The following DIP2B variants were observed in gnomAD, a reference collection of about 807,000 sequenced individuals.
The protein encoded by DIP2B is DIP2 acetate--CoA ligase B (putative).
DIP2B carries 76 observed loss-of-function variants against 198.0 expected under a neutral mutation model. That is an observed-to-expected ratio of 0.38 (90% CI 0.32 to 0.46). The LOEUF (loss-of-function observed/expected upper bound fraction) is 0.46. Among genes scored for constraint, DIP2B ranks in the 20% least tolerant of loss-of-function variants. The probability of loss-of-function intolerance (pLI) is 0.99; values close to 1 mark genes in which losing one functional copy is unlikely to be tolerated. For missense variants in DIP2B, 1,559 were observed against 1,978.4 expected, an observed-to-expected ratio of 0.79 and a Z score of 4.02; for synonymous variants, 701 against 739.1, an observed-to-expected ratio of 0.95 and a Z score of 0.84.
intron 37 of DIP2B, 102 bp downstream of exon 37, chr12:50,741,641 A>G: frequency 7.0e-7 from 1 of 1,419,060 alleles, no homozygotes; most frequent in Non-Finnish European, 9.5e-7. Flanking sequence ...ACCTTGAAAC[A>G]TAGAGCTCCA....
chr12:50,559,619 G>A (rs1254021923), intron 1 of DIP2B, among the ~76,000 whole-genome samples: 1 of 151,572 alleles, frequency 6.6e-6, no homozygotes, highest in South Asian at 2.1e-4. Flanking sequence ...TATAGTTCCA[G>A]CTACTTGGGA....
At chr12:50,617,392 T>G (rs1937719491) in intron 1 of DIP2B, among the ~76,000 whole-genome samples, 1 of 151,840 alleles carries the variant, frequency 6.6e-6, no homozygotes, top group Admixed American at 6.6e-5. Context: ...CCTGACCTCA[T>G]GATCCACCTG....
chr12:50,593,691 TTCTCCTCTCCTCTCCCCTCCTCTCC>T (rs1958839486), intron 1 of DIP2B, among the ~76,000 whole-genome samples: 1 of 88,930 alleles, frequency 1.1e-5, no homozygotes, highest in Non-Finnish European at 2.2e-5. Flanking sequence ...ATACACTCTT[TTCTCCTCTCCTCTCCCCTCCTCTCC>T]TCTCCTCTCC....
chr12:50,558,414 T>C (rs1958489600), intron 1 of DIP2B, among the ~76,000 whole-genome samples: 1 of 152,180 alleles, frequency 6.6e-6, no homozygotes, highest in South Asian at 2.1e-4. Flanking sequence ...TAATTGAGAA[T>C]CATATATAAG....
chr12:50,626,618 CAT>C (rs1937940114), intron 2 of DIP2B, among the ~76,000 whole-genome samples: 1 of 152,140 alleles, frequency 6.6e-6, no homozygotes, highest in Admixed American at 6.5e-5. Flanking sequence ...AAATAATCAT[CAT>C]ATTTTTAAAG....
At chr12:50,648,429 T>C (rs1383507417) in intron 3 of DIP2B, among the ~76,000 whole-genome samples, 1 of 152,206 alleles carries the variant, frequency 6.6e-6, no homozygotes, top group Non-Finnish European at 1.5e-5. Flanking sequence ...AGTGGCCCGA[T>C]CTCGGCTCAC....
intron 26 of DIP2B, among the ~76,000 whole-genome samples, chr12:50,721,629 G>A (rs910145524): frequency 6.6e-6 from 1 of 152,112 alleles, no homozygotes; most frequent in African/African-American, 2.4e-5. Context: ...ATTTCTATTA[G>A]TGCCTGGCAC....
Position 50,737,022 on chromosome 12 carries a change from C to T in DIP2B, c.4102-14C>T, listed in dbSNP as rs778701874. ...CACTGAACTCAATCTTTGTATTTTCCCTTTGATTCTTAGATTTTACCTGGA... is the reference window on the plus strand; with the variant it reads ...CACTGAACTCAATCTTTGTATTTTCTCTTTGATTCTTAGATTTTACCTGGA... On this transcript the variant is annotated splice_polypyrimidine_tract_variant and intron_variant, in intron 34 of 37. Coordinates refer to ENST00000301180, the MANE Select transcript of DIP2B (RefSeq NM_173602.3). 1.4e-5 allele frequency: 22 copies of T among 1,612,848 alleles called. No homozygotes were observed. Among genetic ancestry groups the T allele is most frequent in the Non-Finnish European group, 1.7e-5 (20 of 1,179,362 alleles).
intron 1 of DIP2B, among the ~76,000 whole-genome samples, chr12:50,622,121 G>A (rs1237291437): frequency 3.3e-5 from 5 of 152,160 alleles, no homozygotes; most frequent in African/African-American, 1.2e-4. Context: ...GGTAGGGGGT[G>A]GAGGTAGGAG....
At chr12:50,630,730 G>A (rs1938034628) in intron 2 of DIP2B, among the ~76,000 whole-genome samples, 1 of 138,666 alleles carries the variant, frequency 7.2e-6, no homozygotes. Flanking sequence ...GGAGTGCAAT[G>A]GCGTGATCTC....
At chr12:50,711,422 G>A (rs992688958) in intron 22 of DIP2B, among the ~76,000 whole-genome samples, 1 of 152,072 alleles carries the variant, frequency 6.6e-6, no homozygotes, top group Non-Finnish European at 1.5e-5. Context: ...AACTTTCTGT[G>A]TATTCTAAAA....
Position 50,728,697 on chromosome 12 carries a change from A to G in DIP2B, c.3641+19A>G. 6.2e-7 allele frequency: 1 copy of G among 1,612,920 alleles called. No individual in the cohort carries two copies. Among genetic ancestry groups the G allele is most frequent in the Middle Eastern group, 1.8e-4 (1 of 5,560 alleles). ...TCTGCAGGTAGGGATGGAAAAGCCA[A>G]GGAGACAGAATGTGTGGGGGTATAC... On this transcript the variant is annotated intron_variant, in intron 30 of 37. Coordinates refer to ENST00000301180, the MANE Select transcript of DIP2B (RefSeq NM_173602.3).
intron 1 of DIP2B, among the ~76,000 whole-genome samples, chr12:50,575,579 G>A (rs1280206748): frequency 6.6e-6 from 1 of 152,064 alleles, no homozygotes; most frequent in Non-Finnish European, 1.5e-5. Flanking sequence ...TAGAGACAGA[G>A]TTTTGCTGTT....
At chr12:50,641,057 G>T (rs1440289448) in intron 3 of DIP2B, among the ~76,000 whole-genome samples, 1 of 152,158 alleles carries the variant, frequency 6.6e-6, no homozygotes, top group African/African-American at 2.4e-5. Flanking sequence ...AAATGGAACA[G>T]CACATAAGAC....
intron 17 of DIP2B, among the ~76,000 whole-genome samples, chr12:50,698,110 G>T (rs572968378): frequency 3.3e-5 from 5 of 152,124 alleles, no homozygotes; most frequent in East Asian, 1.9e-4. Flanking sequence ...TGCCCAGGCT[G>T]GTTTTGAACT....
chr12:50,635,372 T>G (rs924323277), intron 2 of DIP2B, among the ~76,000 whole-genome samples: 1 of 152,190 alleles, frequency 6.6e-6, no homozygotes, highest in African/African-American at 2.4e-5. Flanking sequence ...GCCTACTTAT[T>G]TTTTAGGGAT....
At chr12:50,591,779 C>G (rs1467840316) in intron 1 of DIP2B, among the ~76,000 whole-genome samples, 1 of 151,394 alleles carries the variant, frequency 6.6e-6, no homozygotes, top group Non-Finnish European at 1.5e-5. Flanking sequence ...AATTCTTATA[C>G]TACATTGTAT....
rs149389134 is a variant in DIP2B, at chr12:50,597,483, G to C, written c.101-28493G>C. Among the ~76,000 whole-genome samples the C allele has an allele frequency of 2.0e-5, 3 of 152,294 alleles. No homozygotes were observed. The East Asian group carries it at 5.8e-4, about 29-fold the overall frequency. ...AACAGGGAAAAGGTTAAAAATAAGA[G>C]TGTTACCTTAATATAGCACCATTAG... On this transcript the variant is annotated intron_variant, in intron 1 of 37. Coordinates refer to ENST00000301180, the MANE Select transcript of DIP2B (RefSeq NM_173602.3).
intron 3 of DIP2B, among the ~76,000 whole-genome samples, chr12:50,650,904 A>G (rs1437009375): frequency 6.6e-6 from 1 of 152,152 alleles, no homozygotes; most frequent in East Asian, 1.9e-4. Context: ...CTTAGAAGCT[A>G]TATCATTTTA....
Sources: allele counts gnomAD v4.1 joint callset (sites outside exome capture counted in the v4.1 genomes callset), GRCh38; gene constraint gnomAD v4.1.1; transcripts MANE v1.5; gene names NCBI Gene and HGNC (gene_info 2026-07-23, HGNC 2026-07-21).